The following KHDC1 variants were observed in gnomAD, a reference collection of about 807,000 sequenced individuals.
The protein encoded by KHDC1 is KH homology domain-containing protein 1.
KHDC1 carries 21 observed loss-of-function variants against 24.7 expected under a neutral mutation model. The observed-to-expected ratio is 0.85, with a 90% CI of 0.60 to 1.23. The LOEUF is 1.23. KHDC1 is among the 50% of genes most tolerant of loss of function. The pLI, the probability that KHDC1 is intolerant of heterozygous loss-of-function variation, is 0.00. For missense variants in KHDC1, 274 were observed against 298.5 expected (o/e 0.92, Z 0.61); for synonymous variants, 98 against 111.7 (o/e 0.88, Z 0.77).
chr6:73,304,506 G>T (rs1767927836), intron 1 of KHDC1, among the ~76,000 whole-genome samples: 2 of 151,938 alleles, frequency 1.3e-5, no homozygotes, highest in African/African-American at 4.8e-5. Flanking sequence ...TCACTATGTT[G>T]CCCAGGCTGG....
intron 2 of KHDC1, among the ~76,000 whole-genome samples, chr6:73,282,075 G>A (rs576394961): frequency 1.1e-4 from 16 of 151,290 alleles, no homozygotes; most frequent in African/African-American, 3.4e-4. Context: ...AAAATTAGCC[G>A]GGCGTGGTGG....
At position 73,257,274 on chromosome 6, in the gene KHDC1, C is replaced by G. The variant is rs193055603; in HGVS notation, c.207-14744G>C. Among the ~76,000 whole-genome samples, 374 of 152,222 alleles carry G rather than the reference C, an allele frequency of 2.5e-3. 3 individuals are homozygous for G. The highest frequency in any genetic ancestry group is 7.7e-3 in the African/African-American group (320 of 41,526). Reference sequence around the variant, plus strand: ...TACCACTGCAATCCAGCCTGGGTGACAGGGTAGAGTTCGTCTCAAAAGAAC... The same window carrying G: ...TACCACTGCAATCCAGCCTGGGTGAGAGGGTAGAGTTCGTCTCAAAAGAAC... On this transcript the variant is annotated intron_variant, in intron 2 of 4. Transcript: ENST00000370384.
At chr6:73,300,706 G>A (rs1447517552) in intron 1 of KHDC1, 2 of 152,146 alleles carry the variant, frequency 1.3e-5, no homozygotes, top group African/African-American at 4.8e-5. Flanking sequence ...CTGTATGCAG[G>A]TAAAATGTCA....
At chr6:73,257,101 T>C (rs1201388936) in intron 2 of KHDC1, among the ~76,000 whole-genome samples, 1 of 152,162 alleles carries the variant, frequency 6.6e-6, no homozygotes, top group Non-Finnish European at 1.5e-5. Flanking sequence ...GAGACCAGCC[T>C]AGGCAACATG....
intron 1 of KHDC1, chr6:73,299,395 G>T (rs762800833): frequency 6.6e-6 from 1 of 152,274 alleles, no homozygotes; most frequent in Non-Finnish European, 1.5e-5. Flanking sequence ...AGCTTTGTTG[G>T]AGACAGCGCG....
chr6:73,292,387 G>A, intron 1 of KHDC1: 1 of 784,136 alleles, frequency 1.3e-6, no homozygotes, highest in Non-Finnish European at 2.4e-6. Context: ...ATGAATGTGG[G>A]AATTACTCAG....
At chr6:73,249,208 AC>A (rs2150554893) in intron 2 of KHDC1, among the ~76,000 whole-genome samples, 1 of 152,112 alleles carries the variant, frequency 6.6e-6, no homozygotes, top group South Asian at 2.1e-4. Context: ...GATTGCTTGA[AC>A]CCAGGAGTTC....
chr6:73,292,433 G>A (rs567298007), intron 1 of KHDC1: 5 of 775,670 alleles, frequency 6.4e-6, no homozygotes, highest in Non-Finnish European at 1.2e-5. Flanking sequence ...CAGAGTGTTG[G>A]TTCCAGCAAC....
intron 1 of KHDC1, among the ~76,000 whole-genome samples, chr6:73,308,509 CT>C (rs544863361): frequency 8.5e-4 from 122 of 142,916 alleles, no homozygotes; most frequent in African/African-American, 9.9e-4. Context: ...CCGCGTCCGG[CT>C]TTTTTTTTTT....
At chr6:73,268,484 G>A in intron 2 of KHDC1, 1 of 152,446 alleles carries the variant, frequency 6.6e-6, no homozygotes, top group Non-Finnish European at 1.5e-5. Flanking sequence ...CCGGAAGCCT[G>A]CTTTTATTCT....
chr6:73,303,237 A>T (rs1235245302), intron 1 of KHDC1, among the ~76,000 whole-genome samples: 3 of 151,024 alleles, frequency 2.0e-5, no homozygotes, highest in African/African-American at 7.3e-5. Flanking sequence ...AGAGAATAAA[A>T]TGGTGGTTAC....
intron 2 of KHDC1, among the ~76,000 whole-genome samples, chr6:73,258,970 G>A (rs916262720): frequency 6.6e-6 from 1 of 152,176 alleles, no homozygotes; most frequent in East Asian, 1.9e-4. Flanking sequence ...CTGACCCAAC[G>A]GGAGCCCACT....
rs1184777525 is a variant in KHDC1 at position 73,242,539 on chromosome 6, G to T, written c.207-9C>A. 6.2e-7 allele frequency: 1 copy of T among 1,613,926 alleles called. No homozygotes were observed. The highest frequency in any genetic ancestry group is 8.5e-7 in the Non-Finnish European group (1 of 1,179,962). ...CCATGCTCTGCTCCGACCTGATACA[G>T]AATAGGGCCAAGTCCAAGCAACTGG... is the stretch of plus-strand genomic sequence containing the variant. On this transcript the variant is annotated splice_polypyrimidine_tract_variant and intron_variant, in intron 2 of 4. Transcript: ENST00000370384.
chr6:73,244,476 A>T (rs962545052), intron 2 of KHDC1, among the ~76,000 whole-genome samples: 34 of 152,150 alleles, frequency 2.2e-4, no homozygotes, highest in African/African-American at 8.2e-4. Context: ...GGTAAAAATT[A>T]ATACTGTCAG....
At chr6:73,261,582 C>CA (rs1435823091) in intron 2 of KHDC1, among the ~76,000 whole-genome samples, 1 of 150,050 alleles carries the variant, frequency 6.7e-6, no homozygotes, top group African/African-American at 2.5e-5. Flanking sequence ...CCCGCCTGGG[C>CA]AATATGGTGA....
rs1562251997 is a variant in KHDC1 at position 73,271,045 on chromosome 6, G to GCTGGC, written c.206+20952_206+20953insGCCAG. 1.9e-4 allele frequency among the ~76,000 whole-genome samples: 29 copies of GCTGGC among 152,050 alleles called. 1 individual carries two copies. The highest frequency in any genetic ancestry group is 1.7e-3 in the Admixed American group (26 of 15,254). ...ATATTTTCATCGTTAATTAGTAAAT[G>GCTGGC]ATGGCAGTGTTTTTCAGACTGCAAG... On this transcript the variant is annotated intron_variant, in intron 2 of 4. Transcript: ENST00000370384.
rs371523404 is a variant in KHDC1, at chr6:73,257,993, G to A, written c.207-15463C>T. ...AATTGTGCCAGGCACAGTGGCTCAC[G>A]CCTATAATCCCAGCACTTTGGGAGG... On this transcript the variant is annotated intron_variant, in intron 2 of 4. Transcript: ENST00000370384. 7.9e-5 allele frequency among the ~76,000 whole-genome samples: 12 copies of A among 152,198 alleles called. No individual in the cohort carries two copies. In the East Asian group the frequency reaches 1.9e-3, roughly 25 times the overall value.
intron 2 of KHDC1, among the ~76,000 whole-genome samples, chr6:73,280,592 C>T (rs1209358078): frequency 1.4e-5 from 2 of 147,818 alleles, no homozygotes; most frequent in Non-Finnish European, 3.0e-5. Context: ...ATAATCTCGG[C>T]TCACCGCAAC....
intron 2 of KHDC1, among the ~76,000 whole-genome samples, chr6:73,249,104 AAATAAAGAAACC>A (rs751707793): frequency 6.6e-6 from 1 of 152,106 alleles, no homozygotes; most frequent in Non-Finnish European, 1.5e-5. Context: ...CCCTTGAGTG[AAATAAAGAAACC>A]ATTTAACTTT....
Sources: allele counts gnomAD v4.1 joint callset (sites outside exome capture counted in the v4.1 genomes callset), GRCh38; gene constraint gnomAD v4.1.1; transcripts MANE v1.5; gene names NCBI Gene and HGNC (gene_info 2026-07-23, HGNC 2026-07-21).